EXOC6B: variants seen among roughly 807,000 people sequenced by gnomAD.
The protein encoded by EXOC6B is SEC15 homolog B.
In EXOC6B, 54 loss-of-function variants were observed where a neutral mutation model predicts 113.5. That is an observed-to-expected ratio of 0.48 (90% confidence interval 0.38 to 0.60). EXOC6B has a LOEUF of 0.60. Among genes scored for constraint, EXOC6B ranks in the 20% least tolerant of loss-of-function variants. The pLI is 0.00. For synonymous variants in EXOC6B, 357 were observed against 339.0 expected, an observed-to-expected ratio of 1.05 and a Z score of -0.58; for missense variants, 797 against 977.5, an observed-to-expected ratio of 0.82 and a Z score of 2.46.
intron 18 of EXOC6B, among the ~76,000 whole-genome samples, chr2:72,396,950 C>A (rs1328180367): frequency 1.3e-5 from 2 of 150,512 alleles, no homozygotes; most frequent in Non-Finnish European, 2.9e-5. Context: ...ACATTGGCGA[C>A]TGGGAGAAGA....
rs141623406 is a variant in EXOC6B at position 72,184,058 on chromosome 2, T to C, written c.2309+17A>G. ...TCTCCCCACCTCCCAACACAGACCA[T>C]TGGACAAGGTACTCACTTCTCAAGC... is the stretch of plus-strand genomic sequence containing the variant. On this transcript the variant is annotated intron_variant, in intron 21 of 21. Coordinates refer to ENST00000272427, the MANE Select transcript of EXOC6B (RefSeq NM_015189.3). The C allele has an allele frequency of 1.4e-3, 2,064 of 1,429,002 alleles. 26 individuals carry two copies. The African/African-American group carries it at 0.025, about 17-fold the overall frequency. 88.5% of individuals were successfully genotyped at this position (1,429,002 alleles called of 1,614,324 possible).
intron 20 of EXOC6B, among the ~76,000 whole-genome samples, chr2:72,241,359 G>T (rs954808981): frequency 2.0e-5 from 3 of 152,150 alleles, no homozygotes; most frequent in Non-Finnish European, 4.4e-5. Context: ...AGGCAGAAAA[G>T]ATTTCTAAGA....
chr2:72,646,181 T>C (rs1260060917), intron 6 of EXOC6B, among the ~76,000 whole-genome samples: 3 of 152,102 alleles, frequency 2.0e-5, no homozygotes, highest in Non-Finnish European at 4.4e-5. Context: ...GCAGATAAAC[T>C]AGAAAATCTA....
At chr2:72,728,328 A>G (rs1680430503) in intron 5 of EXOC6B, among the ~76,000 whole-genome samples, 1 of 152,170 alleles carries the variant, frequency 6.6e-6, no homozygotes, top group South Asian at 2.1e-4. Context: ...TATTTAACTA[A>G]TCCCTATGAT....
intron 18 of EXOC6B, among the ~76,000 whole-genome samples, chr2:72,441,558 A>G (rs1696201410): frequency 6.6e-6 from 1 of 152,202 alleles, no homozygotes; most frequent in African/African-American, 2.4e-5. Context: ...AATAAGGAGG[A>G]TATTACCACT....
At chr2:72,721,047 G>A (rs1170611040) in intron 5 of EXOC6B, among the ~76,000 whole-genome samples, 1 of 151,884 alleles carries the variant, frequency 6.6e-6, no homozygotes, top group Non-Finnish European at 1.5e-5. Flanking sequence ...AAGATTAATA[G>A]GCCAGGCGTG....
chr2:72,563,680 GA>G (rs1704009740), intron 7 of EXOC6B, among the ~76,000 whole-genome samples: 1 of 152,076 alleles, frequency 6.6e-6, no homozygotes, highest in African/African-American at 2.4e-5. Flanking sequence ...ATGATGAGGT[GA>G]AAAGAAACAT....
intron 18 of EXOC6B, among the ~76,000 whole-genome samples, chr2:72,416,947 G>A (rs1301952960): frequency 6.6e-6 from 1 of 152,082 alleles, no homozygotes; most frequent in Non-Finnish European, 1.5e-5. Flanking sequence ...TCGGTACATT[G>A]TCTGATTTCT....
chr2:72,736,504 A>G (rs776556633), intron 2 of EXOC6B, among the ~76,000 whole-genome samples: 1 of 152,162 alleles, frequency 6.6e-6, no homozygotes, highest in African/African-American at 2.4e-5. Flanking sequence ...TCTGCCCTCA[A>G]AGTAACTGGG....
At chr2:72,426,343 CCTT>C (rs1202267792) in intron 18 of EXOC6B, among the ~76,000 whole-genome samples, 1 of 152,156 alleles carries the variant, frequency 6.6e-6, no homozygotes, top group Admixed American at 6.5e-5. Context: ...CATTTTATCT[CCTT>C]GAGAGTGTTG....
chr2:72,597,218 C>T (rs891994792), intron 6 of EXOC6B, among the ~76,000 whole-genome samples: 1 of 150,770 alleles, frequency 6.6e-6, no homozygotes. Context: ...ATTTTTAATT[C>T]TTAAAAATAA....
chr2:72,504,386 T>C (rs1265617539), intron 11 of EXOC6B, among the ~76,000 whole-genome samples: 2 of 152,220 alleles, frequency 1.3e-5, no homozygotes, highest in Non-Finnish European at 2.9e-5. Context: ...CTCAACATTA[T>C]ATAAGTGGAA....
intron 6 of EXOC6B, among the ~76,000 whole-genome samples, chr2:72,585,115 C>A (rs952640096): frequency 6.6e-6 from 1 of 151,960 alleles, no homozygotes; most frequent in African/African-American, 2.4e-5. Flanking sequence ...AAAACAAGAA[C>A]AAACCAACCC....
chr2:72,358,046 C>T (rs182190275), intron 19 of EXOC6B, among the ~76,000 whole-genome samples: 1 of 152,212 alleles, frequency 6.6e-6, no homozygotes, highest in Admixed American at 6.5e-5. Flanking sequence ...CACTGAGGCT[C>T]TTGGAATATA....
At chr2:72,575,722 GAGAA>G in intron 6 of EXOC6B, 54 bp from the exon 7 acceptor site, 3 of 1,372,126 alleles carry the variant, frequency 2.2e-6, no homozygotes, top group Non-Finnish European at 2.9e-6. Context: ...GTTAGGGAGA[GAGAA>G]AGAAAGAAAA....
intron 8 of EXOC6B, among the ~76,000 whole-genome samples, chr2:72,518,076 T>C (rs985106516): frequency 1.6e-4 from 24 of 152,188 alleles, no homozygotes; most frequent in Non-Finnish European, 2.6e-4. Flanking sequence ...ATTTGAGACG[T>C]AGATGTTTGA....
intron 7 of EXOC6B, among the ~76,000 whole-genome samples, chr2:72,560,498 A>AT (rs923768736): frequency 6.6e-6 from 1 of 152,094 alleles, no homozygotes; most frequent in African/African-American, 2.4e-5. Context: ...TTACAAGGTC[A>AT]TTTTCCCTTA....
At chr2:72,492,137 A>G (rs1317287752) in intron 16 of EXOC6B, among the ~76,000 whole-genome samples, 181 bp downstream of exon 16, 2 of 152,214 alleles carry the variant, frequency 1.3e-5, no homozygotes, top group Non-Finnish European at 2.9e-5. Context: ...TTAGAAAAAA[A>G]TAAATAAATT....
chr2:72,496,556 G>A lies in EXOC6B; in HGVS notation c.1341C>T (p.Asn447=). The change falls in exon 14 of 22, where the codon AAC becomes AAT. Residue 447 remains asparagine (N), a synonymous_variant. Coordinates refer to ENST00000272427, the MANE Select transcript of EXOC6B (RefSeq NM_015189.3). ...LLKKWAGIFR[N]ILDSDNYSPI... The stretch of plus-strand genomic sequence containing the variant: ...GACTGTAGTTGTCAGAATCAAGTAT[G>A]TTTCTATAAATGGAAGGATAGACAA... 6.6e-7 allele frequency: 1 copy of A among 1,525,252 alleles called. No individual in the cohort carries two copies. The highest frequency in any genetic ancestry group is 8.9e-7 in the Non-Finnish European group (1 of 1,122,334). 94.5% of individuals were successfully genotyped at this position (1,525,252 alleles called of 1,614,324 possible). A position where few individuals can be genotyped will look rare whatever the true frequency, so the allele number is the denominator to read the frequency against.
Sources: gnomAD v4.1 joint callset for allele counts (sites outside exome capture counted in the v4.1 genomes callset) on GRCh38, gnomAD v4.1.1 for gene constraint, MANE v1.5 for transcripts, NCBI Gene and HGNC (gene_info 2026-07-23, HGNC 2026-07-21) for gene names.